The following WFDC1 variants were observed in gnomAD, a reference collection of about 807,000 sequenced individuals.
The protein encoded by WFDC1 is WAP four-disulfide core domain protein 1.
A neutral mutation model predicts 32.9 loss-of-function variants in WFDC1; 39 were observed. That is an observed-to-expected ratio of 1.19 (90% CI 0.92 to 1.55). The LOEUF (loss-of-function observed/expected upper bound fraction) is 1.55, where lower values mean the gene tolerates loss of function less well. WFDC1 is among the 40% of genes most tolerant of loss of function. The pLI, the probability that WFDC1 is intolerant of heterozygous loss-of-function variation, is 0.00. For synonymous variants in WFDC1, 184 were observed against 137.4 expected, an observed-to-expected ratio of 1.34 and a Z score of -2.37; for missense variants, 386 against 309.5, an observed-to-expected ratio of 1.25 and a Z score of -1.85.
intron 1 of WFDC1, among the ~76,000 whole-genome samples, chr16:84,301,405 T>C (rs1906925743): frequency 6.6e-6 from 1 of 152,210 alleles, no homozygotes; most frequent in Admixed American, 6.5e-5. Flanking sequence ...GACTTATCTG[T>C]GCTGTTTTGG....
intron 1 of WFDC1, among the ~76,000 whole-genome samples, chr16:84,307,714 C>A (rs1411492677): frequency 6.6e-6 from 1 of 152,126 alleles, no homozygotes; most frequent in East Asian, 1.9e-4. Flanking sequence ...CCCCTCCCGA[C>A]GACGTACGGT....
chr16:84,298,384 C>T (rs867449337), intron 1 of WFDC1, among the ~76,000 whole-genome samples: 4 of 152,078 alleles, frequency 2.6e-5, no homozygotes, highest in Admixed American at 6.6e-5. Flanking sequence ...TGTGAGCCAC[C>T]GCACCCAGCC....
chr16:84,306,731 C>T (rs1443686509), intron 1 of WFDC1, among the ~76,000 whole-genome samples: 1 of 151,698 alleles, frequency 6.6e-6, no homozygotes, highest in East Asian at 1.9e-4. Context: ...GGGTGCCCAG[C>T]AAACTGCCAG....
At chr16:84,323,883 G>A (rs1432146515) in intron 4 of WFDC1, among the ~76,000 whole-genome samples, 1 of 152,260 alleles carries the variant, frequency 6.6e-6, no homozygotes, top group Non-Finnish European at 1.5e-5. Flanking sequence ...CACTTTGGCA[G>A]GCTGAGGTGG....
intron 4 of WFDC1, 121 bp from the exon 5 acceptor site, chr16:84,324,298 C>A: frequency 1.2e-6 from 1 of 843,516 alleles, no homozygotes; most frequent in Non-Finnish European, 1.9e-6. Context: ...TGAACAATTC[C>A]ATTGTACACT....
At chr16:84,298,991 A>G (rs996369236) in intron 1 of WFDC1, among the ~76,000 whole-genome samples, 1 of 152,174 alleles carries the variant, frequency 6.6e-6, no homozygotes, top group African/African-American at 2.4e-5. Context: ...AAAAGACCAT[A>G]GAGCCCACAG....
intron 6 of WFDC1, chr16:84,327,758 G>T (rs1908686441): frequency 6.6e-6 from 1 of 152,194 alleles, no homozygotes; most frequent in South Asian, 2.1e-4. Context: ...TCTCCAGGAA[G>T]TCTTGTCTAT....
intron 5 of WFDC1, among the ~76,000 whole-genome samples, chr16:84,324,798 A>G (rs1339069868): frequency 1.3e-5 from 2 of 152,096 alleles, no homozygotes; most frequent in Non-Finnish European, 2.9e-5. Context: ...CCATCTCTCC[A>G]TCTATTATTT....
intron 5 of WFDC1, among the ~76,000 whole-genome samples, chr16:84,324,825 C>A (rs895832836): frequency 6.6e-6 from 1 of 152,108 alleles, no homozygotes; most frequent in Non-Finnish European, 1.5e-5. Context: ...TCCATTCATC[C>A]CTCCATCCAT....
intron 1 of WFDC1, among the ~76,000 whole-genome samples, chr16:84,310,359 C>T (rs2151373902): frequency 6.6e-6 from 1 of 152,216 alleles, no homozygotes; most frequent in South Asian, 2.1e-4. Context: ...GGGCAAAGGC[C>T]TGGAGGTGAC....
intron 4 of WFDC1, among the ~76,000 whole-genome samples, chr16:84,323,763 A>T (rs950789040): frequency 6.6e-6 from 1 of 152,208 alleles, no homozygotes; most frequent in African/African-American, 2.4e-5. Context: ...CCCCCTGTGA[A>T]CATATTTTGT....
At chr16:84,302,328 C>G (rs1404683373) in intron 1 of WFDC1, among the ~76,000 whole-genome samples, 1 of 152,200 alleles carries the variant, frequency 6.6e-6, no homozygotes, top group South Asian at 2.1e-4. Flanking sequence ...ATGCCGCCAA[C>G]TCGCACACTT....
chr16:84,308,207 G>C (rs1302402324), intron 1 of WFDC1, among the ~76,000 whole-genome samples: 1 of 152,046 alleles, frequency 6.6e-6, no homozygotes, highest in African/African-American at 2.4e-5. Flanking sequence ...CATGCCCTCA[G>C]TCTCAGGCCC....
At chr16:84,302,436 C>T (rs1202567381) in intron 1 of WFDC1, among the ~76,000 whole-genome samples, 1 of 152,172 alleles carries the variant, frequency 6.6e-6, no homozygotes, top group African/African-American at 2.4e-5. Context: ...GGGAATTCTG[C>T]GATGGCACAT....
In WFDC1 at chr16:84,298,730, T is replaced by G. The variant is rs544541587; in HGVS notation, c.144+3615T>G. Among the ~76,000 whole-genome samples the G allele has an allele frequency of 3.9e-5, 6 of 152,258 alleles. No individual in the cohort carries two copies. In the South Asian group the frequency reaches 1.2e-3, roughly 32 times the overall value. ...AGTTTTGTGTAGCGGACTGGTCTCT[T>G]AGAGTGGGGCCGGTTAATGTCCTGA... On this transcript the variant is annotated intron_variant, in intron 1 of 6. Coordinates refer to ENST00000219454, the MANE Select transcript of WFDC1 (RefSeq NM_021197.4).
At chr16:84,319,199 G>T (rs746206369) in intron 3 of WFDC1, 3 of 559,656 alleles carry the variant, frequency 5.4e-6, no homozygotes, top group Non-Finnish European at 9.5e-6. Flanking sequence ...TTGGGATCAG[G>T]TGAGCTTGGA....
At chr16:84,313,698 G>C (rs1907784143) in intron 2 of WFDC1, among the ~76,000 whole-genome samples, 1 of 152,204 alleles carries the variant, frequency 6.6e-6, no homozygotes, top group East Asian at 1.9e-4. Flanking sequence ...GGGTATTTGA[G>C]GTGGAGACCA....
chr16:84,294,887 A>C lies in WFDC1; in HGVS notation c.-85A>C. The C allele has an allele frequency of 2.0e-6, 3 of 1,534,514 alleles. No individual in the cohort carries two copies. The South Asian group carries it at 3.8e-5, about 19-fold the overall frequency. ...ACTAAGAAAGTCCAGCAGACTGTGCACGCTCCTGTCCCCACTCACAGGCCC... is the reference window on the plus strand; with the variant it reads ...ACTAAGAAAGTCCAGCAGACTGTGCCCGCTCCTGTCCCCACTCACAGGCCC... On this transcript the variant is annotated 5_prime_UTR_variant, in exon 1 of 7. Transcript: ENST00000219454.
intron 5 of WFDC1, chr16:84,326,198 A>T (rs1908593285): frequency 6.8e-6 from 1 of 146,000 alleles, no homozygotes; most frequent in African/African-American, 2.7e-5. Context: ...TCCATCATTT[A>T]TCCATTCACC....
Sources: gnomAD v4.1 joint callset for allele counts (sites outside exome capture counted in the v4.1 genomes callset) on GRCh38, gnomAD v4.1.1 for gene constraint, MANE v1.5 for transcripts, NCBI Gene and HGNC (gene_info 2026-07-23, HGNC 2026-07-21) for gene names.